Variants in PRIMPOL observed in about 807,000 individuals in gnomAD.
PRIMPOL encodes the protein DNA-directed primase/polymerase protein.
PRIMPOL carries 54 observed loss-of-function variants against 63.6 expected under a neutral mutation model. The ratio of observed to expected loss-of-function variants is 0.85; its 90% confidence interval spans 0.68 to 1.07. The LOEUF (loss-of-function observed/expected upper bound fraction) is 1.07, where lower values mean the gene tolerates loss of function less well. Among genes scored for constraint, PRIMPOL ranks in the 50% least tolerant of loss-of-function variants. The pLI is 0.00. For missense variants in PRIMPOL, 610 were observed against 648.3 expected (o/e 0.94, Z 0.64); for synonymous variants, 197 against 220.2 (o/e 0.89, Z 0.93).
At chr4:184,667,558 C>T (rs1201785506) in intron 6 of PRIMPOL, among the ~76,000 whole-genome samples, 2 of 152,200 alleles carry the variant, frequency 1.3e-5, no homozygotes, top group African/African-American at 2.4e-5. Context: ...GATCTGCCCG[C>T]CTTGGCCTCC....
intron 7 of PRIMPOL, among the ~76,000 whole-genome samples, chr4:184,677,922 G>A (rs546043305): frequency 1.9e-4 from 29 of 152,106 alleles, no homozygotes; most frequent in African/African-American, 6.5e-4. Flanking sequence ...ATTTAGCTCC[G>A]CACAGCTTCA....
intron 6 of PRIMPOL, among the ~76,000 whole-genome samples, chr4:184,667,467 T>C (rs11729146): frequency 0.051 from 7,770 of 152,150 alleles, 326 homozygotes; most frequent in African/African-American, 0.11. Flanking sequence ...TGTGCCACCA[T>C]GCCCGGCTAA....
At chr4:184,666,419 C>T (rs1579383614) in intron 6 of PRIMPOL, among the ~76,000 whole-genome samples, 2 of 152,198 alleles carry the variant, frequency 1.3e-5, no homozygotes, top group South Asian at 4.1e-4. Context: ...GCCAGGATCA[C>T]ACCACTGCAC....
intron 8 of PRIMPOL, among the ~76,000 whole-genome samples, chr4:184,679,317 A>G (rs921115400): frequency 6.6e-6 from 1 of 152,136 alleles, no homozygotes; most frequent in Admixed American, 6.6e-5. Context: ...TTGGCTAGGC[A>G]CAGTAGCATG....
chr4:184,668,712 G>A (rs150095307), intron 6 of PRIMPOL, among the ~76,000 whole-genome samples: 57 of 152,286 alleles, frequency 3.7e-4, no homozygotes, highest in Non-Finnish European at 4.9e-4. Flanking sequence ...TGCAGAGAAC[G>A]TCCAGGGCTT....
chr4:184,659,378 T>C lies in PRIMPOL; in HGVS notation c.219T>C (p.Asp73=), dbSNP rs201904312. ...HVFALECKVG[D]GQRIYLVTTY... ...TTGCTTTGGAATGCAAAGTAGGAGA[T>C]GGACAACGTATTTACCTTGTGACAA... Residue 73 remains aspartate (D), a synonymous_variant, in exon 4 of 14, where the codon GAT becomes GAC. Transcript: ENST00000314970. The C allele has an allele frequency of 2.7e-5, 44 of 1,614,050 alleles. No individual in the cohort carries two copies. The East Asian group carries it at 6.7e-4, about 25-fold the overall frequency.
chr4:184,692,864 A>G (rs1198083022), intron 13 of PRIMPOL, among the ~76,000 whole-genome samples: 1 of 152,152 alleles, frequency 6.6e-6, no homozygotes, highest in African/African-American at 2.4e-5. Context: ...GCATCTCTGT[A>G]ATGAACTTTT....
chr4:184,693,845 CTTTT>C (rs1269383938), intron 13 of PRIMPOL, among the ~76,000 whole-genome samples: 4 of 151,386 alleles, frequency 2.6e-5, no homozygotes, highest in Admixed American at 6.6e-5. Flanking sequence ...CATTCTGTAG[CTTTT>C]TTAATGACAG....
chr4:184,684,347 T>C (rs1756446389), intron 9 of PRIMPOL, among the ~76,000 whole-genome samples: 1 of 151,794 alleles, frequency 6.6e-6, no homozygotes. Flanking sequence ...TCCCAGCTAC[T>C]CAGGAGGCTG....
chr4:184,690,372 A>G (rs1295972589), intron 11 of PRIMPOL, among the ~76,000 whole-genome samples: 2 of 152,082 alleles, frequency 1.3e-5, no homozygotes, highest in Admixed American at 6.6e-5. Flanking sequence ...AATCAATTTT[A>G]CCCTAATTTC....
intron 13 of PRIMPOL, among the ~76,000 whole-genome samples, chr4:184,692,878 G>A (rs965214923): frequency 2.0e-5 from 3 of 151,980 alleles, no homozygotes; most frequent in South Asian, 2.1e-4. Context: ...AACTTTTTTC[G>A]GATTCACTAT....
At chr4:184,659,206 T>C in intron 3 of PRIMPOL, 134 bp from the exon 4 acceptor site, 1 of 660,966 alleles carries the variant, frequency 1.5e-6, no homozygotes, top group South Asian at 1.9e-5. Context: ...TGTCTTGTTT[T>C]TAATAATACA....
chr4:184,658,713 C>T (rs979604676), intron 3 of PRIMPOL, among the ~76,000 whole-genome samples: 7 of 152,060 alleles, frequency 4.6e-5, no homozygotes, highest in Non-Finnish European at 7.4e-5. Context: ...TCGAGACCAG[C>T]CTGCCCAGCA....
At chr4:184,681,643 C>G (rs557322284) in intron 8 of PRIMPOL, among the ~76,000 whole-genome samples, 7 of 152,104 alleles carry the variant, frequency 4.6e-5, no homozygotes, top group African/African-American at 1.7e-4. Flanking sequence ...GGTGCAATCT[C>G]AGCTCACTGC....
chr4:184,664,902 G>T (rs1331983192), intron 5 of PRIMPOL, among the ~76,000 whole-genome samples: 1 of 152,182 alleles, frequency 6.6e-6, no homozygotes, highest in Non-Finnish European at 1.5e-5. Context: ...TGTAGAGAGG[G>T]AAATCAAGGA....
At position 184,672,350 on chromosome 4, in the gene PRIMPOL, C is replaced by T. The variant is rs762906128; in HGVS notation, c.734C>T (p.Ser245Leu). Reference protein sequence around the residue: ...TEKATEESWTSNSKKLERLGS... With the variant: ...TEKATEESWTLNSKKLERLGS... ...AAGGCTACAGAGGAAAGCTGGACAT[C>T]GAATTCAAAGAAACTGGAGAGGCTG... is the stretch of plus-strand genomic sequence containing the variant. Residue 245 changes from serine to leucine, a missense_variant, in exon 7 of 14, where the codon TCG (serine) becomes TTG (leucine). Physicochemically the swap from Ser to Leu is moderately radical, Grantham distance 145. Transcript: ENST00000314970. 2.6e-5 allele frequency: 42 copies of T among 1,614,090 alleles called. No homozygotes were observed. Among genetic ancestry groups the T allele is most frequent in the Non-Finnish European group, 3.4e-5 (40 of 1,180,018 alleles).
chr4:184,657,173 A>G lies in PRIMPOL; in HGVS notation c.33A>G (p.Gln11=). 6.2e-7 allele frequency: 1 copy of G among 1,611,182 alleles called. No homozygotes were observed. Among genetic ancestry groups the G allele is most frequent in the African/African-American group, 1.3e-5 (1 of 74,930 alleles). ...GAAAATGGGAAGCAAAACTGAAGCA[A>G]ATTGAAGAACGAGCATCTCATTATG... MNRKWEAKLK[Q]IEERASHYER... The change falls in exon 3 of 14, where the codon CAA becomes CAG. Residue 11 remains glutamine, a synonymous_variant. Transcript: ENST00000314970.
At chr4:184,672,091 G>T in intron 6 of PRIMPOL, 82 bp from the exon 7 acceptor site, 1 of 1,274,138 alleles carries the variant, frequency 7.8e-7, no homozygotes, top group Non-Finnish European at 1.1e-6. Context: ...GTGTAAAATT[G>T]TCATATGTGG....
intron 4 of PRIMPOL, among the ~76,000 whole-genome samples, chr4:184,660,859 A>G (rs555527568): frequency 2.6e-5 from 4 of 152,310 alleles, no homozygotes; most frequent in Admixed American, 2.0e-4. Flanking sequence ...ATAGGATGCC[A>G]TCTGAATATC....
Sources: allele counts gnomAD v4.1 joint callset (sites outside exome capture counted in the v4.1 genomes callset), GRCh38; gene constraint gnomAD v4.1.1; transcripts MANE v1.5; gene names NCBI Gene and HGNC (gene_info 2026-07-23, HGNC 2026-07-21).